OR2A12: variants seen among roughly 807,000 people sequenced by gnomAD.
The protein encoded by OR2A12 is olfactory receptor family 2 subfamily A member 12.
For missense variants in OR2A12, 380 were observed against 372.5 expected (o/e 1.02, Z -0.17); for synonymous variants, 153 against 149.3 (o/e 1.02, Z -0.18).
At chr7:144,087,560 C>T (rs1313164325) in intron 1 of OR2A12, among the ~76,000 whole-genome samples, 4 of 152,178 alleles carry the variant, frequency 2.6e-5, no homozygotes, top group East Asian at 1.9e-4. Flanking sequence ...TCTGGCAACA[C>T]ATTAAGTGAA....
In OR2A12 at chr7:144,092,295, A is replaced by C. The variant is rs374743506; in HGVS notation, c.-51-2762A>C. Among the ~76,000 whole-genome samples the C allele has an allele frequency of 1.6e-4, 25 of 151,976 alleles. No individual in the cohort carries two copies. The South Asian group carries it at 5.2e-3, about 32-fold the overall frequency. ...TGAAGTCAAATAGCATGATGCCTCC[A>C]GCTGTGTTCTTTTTGCTTAGGTTTG... On this transcript the variant is annotated intron_variant, in intron 1 of 1. Coordinates refer to ENST00000641592, the MANE Select transcript of OR2A12 (RefSeq NM_001004135.2).
At chr7:144,087,690 A>G (rs1032723172) in intron 1 of OR2A12, among the ~76,000 whole-genome samples, 1 of 152,210 alleles carries the variant, frequency 6.6e-6, no homozygotes. Context: ...GTGTTTTCTT[A>G]CAATTTAAAA....
At position 144,098,935 on chromosome 7, in the gene OR2A12, CCTTT is replaced by C. The variant is rs879485380; in HGVS notation, c.*2898_*2901del. On this transcript the variant is annotated 3_prime_UTR_variant, in exon 2 of 2. Transcript: ENST00000641592. The stretch of plus-strand genomic sequence containing the variant: ...TTCTTCTTTCTTTCCTTCCTTCCTT[CCTTT>C]CTCTTTCTCTTCCTTCCTTCCTTTC... 6 of 151,060 alleles carry C rather than the reference CCTTT, an allele frequency of 4.0e-5. No homozygotes were observed. The highest frequency in any genetic ancestry group is 5.9e-5 in the Non-Finnish European group (4 of 67,770). 9.4% of individuals were successfully genotyped at this position (151,060 alleles called of 1,614,324 possible).
chr7:144,092,234 G>T (rs1041769542), intron 1 of OR2A12, among the ~76,000 whole-genome samples: 8 of 152,040 alleles, frequency 5.3e-5, no homozygotes, highest in Admixed American at 1.3e-4. Context: ...TACCAGTACT[G>T]TGCTGTTTTG....
chr7:144,089,256 T>G (rs1352158754), intron 1 of OR2A12, among the ~76,000 whole-genome samples: 1 of 152,086 alleles, frequency 6.6e-6, no homozygotes, highest in Non-Finnish European at 1.5e-5. Context: ...CTACTACCAG[T>G]TTCTACAACA....
chr7:144,095,814 C>A lies in OR2A12; in HGVS notation c.707C>A (p.Ala236Asp), dbSNP rs774954746. 1.9e-6 allele frequency: 3 copies of A among 1,613,986 alleles called. No individual in the cohort carries two copies. The highest frequency in any genetic ancestry group is 2.2e-5 in the East Asian group (1 of 44,874). ...CAGTCTGGGGAGGGCCGCAGAAAGG[C>A]CTTCTCTACCTGCTCCTCCCACCTC... ...RIQSGEGRRK[A>D]FSTCSSHLCV... Residue 236 changes from alanine (A) to aspartate (D), a missense_variant, in exon 2 of 2, where the codon GCC (alanine) becomes GAC (aspartate). Transcript: ENST00000641592.
chr7:144,096,799 AT>A lies in OR2A12; in HGVS notation c.*761del, dbSNP rs2051267676. The A allele has an allele frequency of 6.6e-6, 1 of 152,220 alleles. No individual in the cohort carries two copies. Among genetic ancestry groups the A allele is most frequent in the South Asian group, 2.1e-4 (1 of 4,832 alleles). The allele number at this position is 152,220 out of a possible 1,614,324, so 9.4% of individuals were successfully genotyped here. A position where few individuals can be genotyped will look rare whatever the true frequency, so the allele number is the denominator to read the frequency against. On this transcript the variant is annotated 3_prime_UTR_variant, in exon 2 of 2. Coordinates refer to ENST00000641592, the MANE Select transcript of OR2A12 (RefSeq NM_001004135.2). ...AAGTGTTTGACAAGATTTAAGATCA[AT>A]TCTTTATAAGCTAATATCGCAGTAA... is the stretch of plus-strand genomic sequence containing the variant.
intron 1 of OR2A12, among the ~76,000 whole-genome samples, chr7:144,089,582 T>C (rs1586899724): frequency 6.6e-6 from 1 of 152,312 alleles, no homozygotes. Flanking sequence ...TTTTCTTTTT[T>C]GGCCTGCTGT....
rs142731054 is a variant in OR2A12 at position 144,094,160 on chromosome 7, T to C, written c.-51-897T>C. ...GTTTTTATTGTTGTTATTATTATCATCATTATTATTATTTGATTTTCCTAT... is the reference window on the plus strand; with the variant it reads ...GTTTTTATTGTTGTTATTATTATCACCATTATTATTATTTGATTTTCCTAT... On this transcript the variant is annotated intron_variant, in intron 1 of 1. Coordinates refer to ENST00000641592, the MANE Select transcript of OR2A12 (RefSeq NM_001004135.2). Among the ~76,000 whole-genome samples, 541 of 152,260 alleles carry C rather than the reference T, an allele frequency of 3.6e-3. 4 individuals are homozygous for C. Among genetic ancestry groups the C allele is most frequent in the African/African-American group, 0.012 (504 of 41,536 alleles).
chr7:144,096,266 C>T lies in OR2A12; in HGVS notation c.*226C>T, dbSNP rs751820777. 17 of 366,026 alleles carry T rather than the reference C, an allele frequency of 4.6e-5. No homozygotes were observed. Among genetic ancestry groups the T allele is most frequent in the Non-Finnish European group, 1.5e-5 (3 of 203,218 alleles). 22.7% of individuals were successfully genotyped at this position (366,026 alleles called of 1,614,324 possible). A position where few individuals can be genotyped will look rare whatever the true frequency, so the allele number is the denominator to read the frequency against. On this transcript the variant is annotated 3_prime_UTR_variant, in exon 2 of 2. Coordinates refer to ENST00000641592, the MANE Select transcript of OR2A12 (RefSeq NM_001004135.2). The stretch of plus-strand genomic sequence containing the variant: ...GGTCAGGAGTTCGAGACCAGCCTAA[C>T]CAACATGGCGAAACACTGTCTCTAT...
rs966131441 is a variant in OR2A12, at chr7:144,098,056, C to CA, written c.*2020dup. 2.0e-5 allele frequency: 3 copies of CA among 152,156 alleles called. No homozygotes were observed. Among genetic ancestry groups the CA allele is most frequent in the Non-Finnish European group, 4.4e-5 (3 of 68,034 alleles). The allele number at this position is 152,156 out of a possible 1,614,324, so 9.4% of individuals were successfully genotyped here. On this transcript the variant is annotated 3_prime_UTR_variant, in exon 2 of 2. Coordinates refer to ENST00000641592, the MANE Select transcript of OR2A12 (RefSeq NM_001004135.2). ...GCATAAAAAGTGAAAGGACAAGCCA[C>CA]AAAATCTTCTGGAAGACTTTCTGAT...
chr7:144,095,742 TGG>T lies in OR2A12; in HGVS notation c.636_637del (p.Val213AlafsTer79). ...TTCATCTTAGTGGGGCCGCTCTGCC[TGG>T]TGCTGGTCTCCTACTTGCACATCCT... On this transcript the variant is annotated frameshift_variant, in exon 2 of 2. Coordinates refer to ENST00000641592, the MANE Select transcript of OR2A12 (RefSeq NM_001004135.2). LOFTEE classifies it low-confidence loss of function (END_TRUNC). 6.2e-7 allele frequency: 1 copy of T among 1,614,152 alleles called. No individual in the cohort carries two copies. The highest frequency in any genetic ancestry group is 1.1e-5 in the South Asian group (1 of 91,082).
intron 1 of OR2A12, among the ~76,000 whole-genome samples, chr7:144,091,193 C>A (rs560934672): frequency 1.3e-5 from 2 of 152,302 alleles, no homozygotes; most frequent in Admixed American, 6.5e-5. Context: ...GAGTTCAAGA[C>A]CATCCTGGTC....
chr7:144,095,304 C>A lies in OR2A12; in HGVS notation c.197C>A (p.Ala66Asp). ...ATGTATGTCTTCCTGTCACACCTGG[C>A]CATTGTGGACATGTCCTATGCCTCG... ...TPMYVFLSHL[A>D]IVDMSYASST... Residue 66 changes from alanine to aspartate, a missense_variant, in exon 2 of 2, where the codon GCC becomes GAC. Physicochemically the swap from Ala to Asp is moderately radical, Grantham distance 126. Coordinates refer to ENST00000641592, the MANE Select transcript of OR2A12 (RefSeq NM_001004135.2). 1 of 1,613,762 alleles carries A rather than the reference C, an allele frequency of 6.2e-7. No individual in the cohort carries two copies. Among genetic ancestry groups the A allele is most frequent in the Non-Finnish European group, 8.5e-7 (1 of 1,179,734 alleles).
At chr7:144,093,930 A>G (rs138275358) in intron 1 of OR2A12, among the ~76,000 whole-genome samples, 5,182 of 152,136 alleles carry the variant, frequency 0.034, 137 homozygotes, top group Non-Finnish European at 0.052. Flanking sequence ...TAGTGCCGCA[A>G]TAAACATACG....
chr7:144,090,730 G>A (rs183210368), intron 1 of OR2A12, among the ~76,000 whole-genome samples: 3 of 152,002 alleles, frequency 2.0e-5, no homozygotes, highest in African/African-American at 4.8e-5. Context: ...TTCCCTCTAC[G>A]TGTCCATGTG....
chr7:144,093,024 C>T (rs999396928), intron 1 of OR2A12, among the ~76,000 whole-genome samples: 2 of 151,310 alleles, frequency 1.3e-5, no homozygotes, highest in South Asian at 2.1e-4. Flanking sequence ...CGAAAATTGT[C>T]GGTCATTTAC....
At chr7:144,088,577 T>C (rs1483851504) in intron 1 of OR2A12, among the ~76,000 whole-genome samples, 1 of 152,250 alleles carries the variant, frequency 6.6e-6, no homozygotes, top group African/African-American at 2.4e-5. Flanking sequence ...AAAGTATAGA[T>C]CAAATTGAAT....
rs778662610 is a variant in OR2A12 at position 144,095,328 on chromosome 7, C to G, written c.221C>G (p.Ser74Trp). Residue 74 changes from serine (S) to tryptophan (W), a missense_variant, in exon 2 of 2, where the codon TCG (serine) becomes TGG (tryptophan). Ser to Trp is a radical substitution (Grantham distance 177). Transcript: ENST00000641592. ...GCCATTGTGGACATGTCCTATGCCT[C>G]GAGTACTGTCCCTAAGATGCTAGCA... is the stretch of plus-strand genomic sequence containing the variant. ...HLAIVDMSYA[S>W]STVPKMLANL... The G allele has an allele frequency of 6.2e-7, 1 of 1,613,648 alleles. No homozygotes were observed. The highest frequency in any genetic ancestry group is 1.7e-5 in the Admixed American group (1 of 60,028).
Sources: gnomAD v4.1 joint callset for allele counts (sites outside exome capture counted in the v4.1 genomes callset) on GRCh38, gnomAD v4.1.1 for gene constraint, MANE v1.5 for transcripts, NCBI Gene and HGNC (gene_info 2026-07-23, HGNC 2026-07-21) for gene names.